Variants in CUL2 observed in about 807,000 individuals in gnomAD.
The protein encoded by CUL2 is cullin-2.
In CUL2, 22 loss-of-function variants were observed where a neutral mutation model predicts 110.2. The observed-to-expected ratio is 0.20, with a 90% CI of 0.14 to 0.28. The LOEUF is 0.28. CUL2 is among the 10% of genes least tolerant of loss of function. CUL2 has a pLI of 1.00. For synonymous variants in CUL2, 279 were observed against 293.2 expected (o/e 0.95, Z 0.49); for missense variants, 631 against 905.5 (o/e 0.70, Z 3.89).
At chr10:35,080,211 T>C (rs555005459) in intron 1 of CUL2, among the ~76,000 whole-genome samples, 2 of 152,252 alleles carry the variant, frequency 1.3e-5, no homozygotes, top group Admixed American at 1.3e-4. Flanking sequence ...TGACCAAATA[T>C]GTTGCCATCA....
At chr10:35,015,469 G>T (rs2085002802) in intron 18 of CUL2, among the ~76,000 whole-genome samples, 1 of 152,002 alleles carries the variant, frequency 6.6e-6, no homozygotes, top group Non-Finnish European at 1.5e-5. Flanking sequence ...ATTAATGAGA[G>T]AAATAAACTG....
At position 35,101,725 on chromosome 10, in the gene CUL2, C is replaced by T. The variant is rs557892792; in HGVS notation, c.-50-665G>A. ...TAATCTTTTGTATCATTCAATTCTA[C>T]TCCAGTATCAAAAGCATAATTAGAA... On this transcript the variant is annotated intron_variant, in intron 1 of 5. Coordinates refer to the CUL2 transcript ENST00000685421. Among the ~76,000 whole-genome samples the T allele has an allele frequency of 7.9e-5, 12 of 152,324 alleles. No individual in the cohort carries two copies. The South Asian group carries it at 2.5e-3, about 32-fold the overall frequency.
intron 2 of CUL2, among the ~76,000 whole-genome samples, chr10:35,069,950 T>C (rs907386569): frequency 7.2e-5 from 11 of 152,192 alleles, no homozygotes; most frequent in African/African-American, 2.7e-4. Flanking sequence ...ACAGAAAAAT[T>C]AGCTATCTAA....
chr10:35,030,384 T>G (rs959454158), intron 14 of CUL2, among the ~76,000 whole-genome samples: 1 of 152,174 alleles, frequency 6.6e-6, no homozygotes, highest in South Asian at 2.1e-4. Flanking sequence ...ACTTTTTTTT[T>G]GTAATTAATC....
chr10:35,047,570 A>G (rs752848187), intron 6 of CUL2, among the ~76,000 whole-genome samples: 3 of 148,540 alleles, frequency 2.0e-5, no homozygotes, highest in Non-Finnish European at 4.4e-5. Context: ...AGATCGTGCA[A>G]TTGCACTCCA....
chr10:35,049,587 C>A, intron 6 of CUL2, 96 bp downstream of exon 6: 1 of 938,594 alleles, frequency 1.1e-6, no homozygotes, highest in Non-Finnish European at 1.6e-6. Context: ...AAACCAGCCC[C>A]AAGGCTAGTC....
rs189050263 is a variant in CUL2 at position 35,037,795 on chromosome 10, A to C, written c.877+1125T>G. On this transcript the variant is annotated intron_variant, in intron 9 of 20. Transcript: ENST00000374749. ...GAGGCAGAGGTTATAGTGAACAGAG[A>C]TCGCGCCACTGCATTATAGCCTGGG... Among the ~76,000 whole-genome samples, 464 of 152,220 alleles carry C rather than the reference A, an allele frequency of 3.0e-3. 1 individual carries two copies. The highest frequency in any genetic ancestry group is 0.011 in the African/African-American group (442 of 41,528).
At chr10:35,121,382 C>T (rs934059370) in intron 1 of CUL2, among the ~76,000 whole-genome samples, 1 of 152,190 alleles carries the variant, frequency 6.6e-6, no homozygotes, top group Non-Finnish European at 1.5e-5. Context: ...CACACCATCA[C>T]GCCCAGCTGA....
chr10:35,054,324 G>T, intron 5 of CUL2, 110 bp downstream of exon 5: 3 of 618,756 alleles, frequency 4.8e-6, no homozygotes, highest in East Asian at 6.1e-5. Flanking sequence ...TTTAAATCTT[G>T]ACCATTTTAA....
At chr10:35,087,869 T>C (rs1198735100) in intron 1 of CUL2, among the ~76,000 whole-genome samples, 2 of 72,128 alleles carry the variant, frequency 2.8e-5, no homozygotes, top group Non-Finnish European at 5.8e-5. Context: ...AAAAGCCTTT[T>C]AATGTATCTA....
chr10:35,099,070 T>A (rs980851452), intron 2 of CUL2, among the ~76,000 whole-genome samples: 2 of 152,064 alleles, frequency 1.3e-5, no homozygotes, highest in African/African-American at 4.8e-5. Context: ...AAGACGTAGT[T>A]CCTGGGCTAA....
rs148018075 is a variant in CUL2 at position 35,095,740 on chromosome 10, T to G, written c.167+5104A>C. On this transcript the variant is annotated intron_variant, in intron 2 of 5. Transcript: ENST00000685421. The stretch of plus-strand genomic sequence containing the variant: ...CACCCAGCGAATTTTTTTGTATTTT[T>G]AGTAGAGACAAGGTTTCACCATATT... 3.9e-3 allele frequency among the ~76,000 whole-genome samples: 599 copies of G among 152,220 alleles called. 4 individuals carry two copies. The highest frequency in any genetic ancestry group is 0.014 in the African/African-American group (568 of 41,550).
At chr10:35,034,578 C>T (rs1009417262) in intron 10 of CUL2, among the ~76,000 whole-genome samples, 2 of 152,158 alleles carry the variant, frequency 1.3e-5, no homozygotes, top group African/African-American at 4.8e-5. Context: ...TCTTGCTCAT[C>T]AAACATTACC....
intron 18 of CUL2, among the ~76,000 whole-genome samples, chr10:35,014,830 C>T (rs955730517): frequency 1.3e-5 from 2 of 151,766 alleles, no homozygotes; most frequent in South Asian, 4.2e-4. Flanking sequence ...AAGATCTCAT[C>T]TCAAAAATAA....
At chr10:35,120,759 G>A (rs1466147240) in intron 1 of CUL2, among the ~76,000 whole-genome samples, 1 of 152,044 alleles carries the variant, frequency 6.6e-6, no homozygotes, top group Non-Finnish European at 1.5e-5. Flanking sequence ...AGCCTGGCAT[G>A]GTGATGCACA....
At chr10:35,015,460 TTAA>T (rs1319506433) in intron 18 of CUL2, among the ~76,000 whole-genome samples, 1 of 152,174 alleles carries the variant, frequency 6.6e-6, no homozygotes, top group East Asian at 1.9e-4. Context: ...GCAAAATGAA[TTAA>T]TGAGAGAAAT....
chr10:35,017,838 C>G (rs1408721898), intron 17 of CUL2, among the ~76,000 whole-genome samples: 1 of 145,862 alleles, frequency 6.9e-6, no homozygotes, highest in Non-Finnish European at 1.5e-5. Context: ...AATAATATGG[C>G]AAACATGTCT....
chr10:35,060,642 C>T (rs114084189), intron 4 of CUL2, among the ~76,000 whole-genome samples: 369 of 152,308 alleles, frequency 2.4e-3, no homozygotes, highest in African/African-American at 8.5e-3. Flanking sequence ...CAGAGCCATG[C>T]AATCGAGTAC....
chr10:35,023,173 T>C (rs1269614358), intron 17 of CUL2, among the ~76,000 whole-genome samples: 1 of 152,236 alleles, frequency 6.6e-6, no homozygotes, highest in African/African-American at 2.4e-5. Context: ...CATTTTACAA[T>C]ATAAACATAA....
Sources: gnomAD v4.1 joint callset for allele counts (sites outside exome capture counted in the v4.1 genomes callset) on GRCh38, gnomAD v4.1.1 for gene constraint, MANE v1.5 for transcripts, NCBI Gene and HGNC (gene_info 2026-07-23, HGNC 2026-07-21) for gene names.